The following CAMKMT variants were observed in gnomAD, a reference collection of about 807,000 sequenced individuals.
The protein encoded by CAMKMT is CaM KMT.
In CAMKMT, 53 loss-of-function variants were observed where a neutral mutation model predicts 48.0. That is an observed-to-expected ratio of 1.10 (90% CI 0.89 to 1.39). The LOEUF is 1.39. Among genes scored for constraint, CAMKMT ranks in the 40% most tolerant of loss-of-function variants. The pLI is 0.00. For missense variants in CAMKMT, 428 were observed against 402.7 expected, an observed-to-expected ratio of 1.06 and a Z score of -0.54; for synonymous variants, 165 against 152.3, an observed-to-expected ratio of 1.08 and a Z score of -0.61.
At chr2:44,643,589 A>G (rs1002589752) in intron 3 of CAMKMT, among the ~76,000 whole-genome samples, 1 of 152,196 alleles carries the variant, frequency 6.6e-6, no homozygotes, top group Admixed American at 6.5e-5. Flanking sequence ...AGTAAAAGCC[A>G]TACTCATTCT....
chr2:44,618,084 A>G lies in CAMKMT; in HGVS notation c.377-86199A>G, dbSNP rs892247079. ...TAGTTAAACTGATTTTAATGGATGAATTTTCATTTAAAAGTAAAAAATGAT... is the reference window on the plus strand; with the variant it reads ...TAGTTAAACTGATTTTAATGGATGAGTTTTCATTTAAAAGTAAAAAATGAT... On this transcript the variant is annotated intron_variant, in intron 3 of 10. Coordinates refer to ENST00000378494, the MANE Select transcript of CAMKMT (RefSeq NM_024766.5). This position sits in a 1 kb window ranked among gnomAD's most constrained non-coding sequence, Gnocchi z 4.0. Among the ~76,000 whole-genome samples the G allele has an allele frequency of 6.6e-6, 1 of 152,182 alleles. No individual in the cohort carries two copies. The highest frequency in any genetic ancestry group is 2.4e-5 in the African/African-American group (1 of 41,444).
chr2:44,639,061 T>C (rs1273775965), intron 3 of CAMKMT, among the ~76,000 whole-genome samples: 1 of 152,200 alleles, frequency 6.6e-6, no homozygotes, highest in Non-Finnish European at 1.5e-5. Flanking sequence ...CTTTTTGACA[T>C]GGAGAAAACA....
At chr2:44,594,587 G>A (rs1485888812) in intron 3 of CAMKMT, among the ~76,000 whole-genome samples, 3 of 152,174 alleles carry the variant, frequency 2.0e-5, no homozygotes, top group Admixed American at 2.0e-4. Flanking sequence ...AATAAATGGT[G>A]CTGGGAAAAC....
chr2:44,511,653 C>G (rs1272741409), intron 3 of CAMKMT, among the ~76,000 whole-genome samples: 1 of 152,146 alleles, frequency 6.6e-6, no homozygotes, highest in African/African-American at 2.4e-5. Context: ...TTACATTGGA[C>G]TTTTGTAAAT....
At chr2:44,519,967 TTTGGGAGGCTGAGGCGGGCG>T (rs1452425277) in intron 3 of CAMKMT, among the ~76,000 whole-genome samples, 7 of 151,926 alleles carry the variant, frequency 4.6e-5, no homozygotes, top group Non-Finnish European at 8.8e-5. Flanking sequence ...ATCCCAGCAC[TTTGGGAGGCTGAGGCGGGCG>T]GATCACGAGG....
At chr2:44,529,901 G>A (rs999722877) in intron 3 of CAMKMT, among the ~76,000 whole-genome samples, 5 of 152,098 alleles carry the variant, frequency 3.3e-5, no homozygotes, top group African/African-American at 9.7e-5. Flanking sequence ...AAATTAAATG[G>A]GTTTCAAATA....
intron 3 of CAMKMT, among the ~76,000 whole-genome samples, chr2:44,605,922 G>A (rs1671254309): frequency 6.6e-6 from 1 of 151,992 alleles, no homozygotes; most frequent in African/African-American, 2.4e-5. Flanking sequence ...TCTATTGATA[G>A]AATTATAATA....
At chr2:44,463,481 G>T (rs965040872) in intron 3 of CAMKMT, among the ~76,000 whole-genome samples, 2 of 152,136 alleles carry the variant, frequency 1.3e-5, no homozygotes, top group African/African-American at 4.8e-5. Flanking sequence ...GAGGAAAACA[G>T]AAAAGTGAAA....
chr2:44,593,073 G>C (rs1285898734), intron 3 of CAMKMT, among the ~76,000 whole-genome samples: 1 of 152,150 alleles, frequency 6.6e-6, no homozygotes, highest in Non-Finnish European at 1.5e-5. Context: ...AAGCAGATGT[G>C]TTACTGGGAA....
chr2:44,387,555 T>C (rs1333437066), intron 2 of CAMKMT, among the ~76,000 whole-genome samples: 1 of 152,206 alleles, frequency 6.6e-6, no homozygotes, highest in Non-Finnish European at 1.5e-5. Flanking sequence ...TTAATTGTAC[T>C]CTTTGTTGCC....
chr2:44,421,250 A>T (rs1387710466), intron 3 of CAMKMT, among the ~76,000 whole-genome samples: 1 of 152,174 alleles, frequency 6.6e-6, no homozygotes, highest in African/African-American at 2.4e-5. Flanking sequence ...AGTTTTGAAG[A>T]AAGACTTTTG....
At chr2:44,514,933 T>A (rs780802387) in intron 3 of CAMKMT, among the ~76,000 whole-genome samples, 1 of 152,192 alleles carries the variant, frequency 6.6e-6, no homozygotes, top group Non-Finnish European at 1.5e-5. Flanking sequence ...ATGGGACAGA[T>A]GAGAACTTGG....
intron 3 of CAMKMT, among the ~76,000 whole-genome samples, chr2:44,424,948 G>A (rs1684184219): frequency 6.6e-6 from 1 of 152,084 alleles, no homozygotes; most frequent in African/African-American, 2.4e-5. Context: ...AGAGTGGAAT[G>A]GGGACAAAAC....
chr2:44,499,512 T>C (rs1218795819), intron 3 of CAMKMT, among the ~76,000 whole-genome samples: 1 of 152,240 alleles, frequency 6.6e-6, no homozygotes, highest in African/African-American at 2.4e-5. Context: ...TCTTACAAAA[T>C]GGGAATTTGT....
At chr2:44,557,853 G>T (rs1558701252) in intron 3 of CAMKMT, among the ~76,000 whole-genome samples, 1 of 152,104 alleles carries the variant, frequency 6.6e-6, no homozygotes, top group African/African-American at 2.4e-5. Context: ...GGAAGTTTAA[G>T]ATTAACCATT....
intron 8 of CAMKMT, among the ~76,000 whole-genome samples, chr2:44,748,717 TA>T (rs796627430): frequency 1.0e-4 from 15 of 148,400 alleles, no homozygotes; most frequent in African/African-American, 2.5e-4. Context: ...CTAAAAATAA[TA>T]AAAAAAAAAT....
At chr2:44,753,249 C>CAAA (rs772390371) in intron 8 of CAMKMT, among the ~76,000 whole-genome samples, 1,811 of 59,228 alleles carry the variant, frequency 0.031, no homozygotes, top group Non-Finnish European at 0.04. Flanking sequence ...CCTGTCCCTA[C>CAAA]AAAAAAAAAA....
intron 3 of CAMKMT, among the ~76,000 whole-genome samples, chr2:44,399,881 T>C (rs1259519721): frequency 6.6e-6 from 1 of 152,176 alleles, no homozygotes; most frequent in Non-Finnish European, 1.5e-5. Context: ...GTTGTTCTTA[T>C]CATAATTATT....
intron 3 of CAMKMT, among the ~76,000 whole-genome samples, chr2:44,440,216 C>T (rs750785494): frequency 6.6e-6 from 1 of 152,316 alleles, no homozygotes; most frequent in Non-Finnish European, 1.5e-5. Flanking sequence ...TAGTGCAGCC[C>T]ATGATTTCCT....
Sources: allele counts gnomAD v4.1 joint callset (sites outside exome capture counted in the v4.1 genomes callset), GRCh38; gene constraint gnomAD v4.1.1; non-coding constraint Gnocchi (gnomAD v3.1); transcripts MANE v1.5; gene names NCBI Gene and HGNC (gene_info 2026-07-23, HGNC 2026-07-21).